Variants in SPTBN1 observed in about 807,000 individuals in gnomAD.
The protein encoded by SPTBN1 is spectrin beta chain, non-erythrocytic 1.
In SPTBN1, 32 loss-of-function variants were observed where a neutral mutation model predicts 266.4. The ratio of observed to expected loss-of-function variants is 0.12; its 90% CI spans 0.09 to 0.16. The LOEUF is 0.16. Among genes scored for constraint, SPTBN1 ranks in the 10% least tolerant of loss-of-function variants. The pLI is 1.00. For missense variants in SPTBN1, 2,296 were observed against 3,067.1 expected, an observed-to-expected ratio of 0.75 and a Z score of 5.94; for synonymous variants, 1,336 against 1,162.2, an observed-to-expected ratio of 1.15 and a Z score of -3.04.
At chr2:54,560,207 C>T (rs987864810) in intron 2 of SPTBN1, among the ~76,000 whole-genome samples, 2 of 150,224 alleles carry the variant, frequency 1.3e-5, no homozygotes, top group Middle Eastern at 3.2e-3. Context: ...CGTTCATTAT[C>T]TAGGTTTGTT....
intron 2 of SPTBN1, among the ~76,000 whole-genome samples, chr2:54,550,590 T>C (rs931041939): frequency 1.3e-5 from 2 of 152,144 alleles, no homozygotes; most frequent in African/African-American, 2.4e-5. Flanking sequence ...TAAGACCGAA[T>C]AGGAACAGAG....
intron 32 of SPTBN1, 114 bp downstream of exon 32, chr2:54,660,113 C>A: frequency 1.2e-6 from 2 of 1,603,608 alleles, no homozygotes; most frequent in Non-Finnish European, 1.7e-6. Context: ...TCAAGAATCA[C>A]CCTTTCCAAA....
chr2:54,637,112 A>G (rs1378394015), intron 17 of SPTBN1, among the ~76,000 whole-genome samples: 1 of 152,172 alleles, frequency 6.6e-6, no homozygotes. Context: ...AGTTCTTACA[A>G]GTTATTTATT....
intron 1 of SPTBN1, among the ~76,000 whole-genome samples, chr2:54,503,995 T>A (rs1371526077): frequency 6.6e-6 from 1 of 152,216 alleles, no homozygotes; most frequent in Non-Finnish European, 1.5e-5. Flanking sequence ...CAACTACTCT[T>A]CTGAGTATCC....
intron 6 of SPTBN1, 98 bp from the exon 7 acceptor site, chr2:54,617,980 T>C: frequency 1.1e-6 from 1 of 937,406 alleles, no homozygotes. Context: ...CTCCACTAAT[T>C]GGTGATTTTA....
At chr2:54,464,317 G>T (rs2103812074) in intron 1 of SPTBN1, among the ~76,000 whole-genome samples, 1 of 152,322 alleles carries the variant, frequency 6.6e-6, no homozygotes, top group South Asian at 2.1e-4. Context: ...TGGCGCAACT[G>T]TAGGGTGGAA....
rs1221756667 is a variant in SPTBN1, at chr2:54,645,742, G to C, written c.4495-186G>C. The stretch of plus-strand genomic sequence containing the variant: ...AGTTTGACCTTGAGGATGAGGTAGA[G>C]TTGGAAAGACTCTCCCTAGCCCTGT... On this transcript the variant is annotated intron_variant, in intron 21 of 35. Transcript: ENST00000356805. The surrounding 1 kb of genome is among the most constrained non-coding windows in gnomAD (Gnocchi z 4.3). Among the ~76,000 whole-genome samples the C allele has an allele frequency of 6.6e-6, 1 of 152,198 alleles. No homozygotes were observed. Among genetic ancestry groups the C allele is most frequent in the Non-Finnish European group, 1.5e-5 (1 of 68,032 alleles).
At position 54,614,717 on chromosome 2, in the gene SPTBN1, C is replaced by T. The variant is rs1459643930; in HGVS notation, c.475-1490C>T. ...ACTTGAGAAGCTGAGGCAGGAGAAT[C>T]GCTTGAATATGGGAGGCGGAGATTG... On this transcript the variant is annotated intron_variant, in intron 4 of 35. Transcript: ENST00000356805. Among the ~76,000 whole-genome samples the T allele has an allele frequency of 2.6e-5, 4 of 151,552 alleles. No individual in the cohort carries two copies. In the East Asian group the frequency reaches 7.7e-4, roughly 29 times the overall value.
At chr2:54,499,329 C>G (rs754396908) in intron 1 of SPTBN1, among the ~76,000 whole-genome samples, 2 of 152,092 alleles carry the variant, frequency 1.3e-5, no homozygotes. Flanking sequence ...ATTGAAAAGT[C>G]TGTGCTTAGA....
rs1671392311 is a variant in SPTBN1 at position 54,533,436 on chromosome 2, C to A, written c.148+6870C>A. ...TCTAGTGAACGAACAGAGCCAACCT[C>A]TTCCTGAATATGTAAAGAAATCTAT... On this transcript the variant is annotated intron_variant, in intron 2 of 35. Transcript: ENST00000356805. The surrounding 1 kb of genome is among the most constrained non-coding windows in gnomAD (Gnocchi z 4.2). Among the ~76,000 whole-genome samples, 1 of 151,510 alleles carries A rather than the reference C, an allele frequency of 6.6e-6. No individual in the cohort carries two copies. Among genetic ancestry groups the A allele is most frequent in the Non-Finnish European group, 1.5e-5 (1 of 67,916 alleles).
intron 2 of SPTBN1, among the ~76,000 whole-genome samples, chr2:54,595,458 GA>G (rs1303207461): frequency 2.6e-5 from 4 of 152,232 alleles, no homozygotes; most frequent in Non-Finnish European, 4.4e-5. Flanking sequence ...GGGAGGACTT[GA>G]TAACAGCGAT....
intron 18 of SPTBN1, among the ~76,000 whole-genome samples, chr2:54,642,444 C>A (rs539412982): frequency 1.6e-4 from 24 of 152,060 alleles, no homozygotes; most frequent in African/African-American, 5.8e-4. Context: ...TGATTGTTGC[C>A]TTAGCCCTAC....
Position 54,629,237 on chromosome 2 carries a change from C to T in SPTBN1, c.2103C>T (p.Gly701=), listed in dbSNP as rs779007415. The change falls in exon 14 of 36, where the codon GGC becomes GGT. Residue 701 remains glycine, a synonymous_variant. Coordinates refer to ENST00000356805, the MANE Select transcript of SPTBN1 (RefSeq NM_003128.3). Reference sequence around the variant, plus strand: ...ACTTTGAGCAGGCCATCAAGGAAGGCGAAGACATGATCGCGGAGGAGCACT... The same window carrying T: ...ACTTTGAGCAGGCCATCAAGGAAGGTGAAGACATGATCGCGGAGGAGCACT... ...SGHFEQAIKE[G]EDMIAEEHFG... 37 of 1,613,912 alleles carry T rather than the reference C, an allele frequency of 2.3e-5. No homozygotes were observed. The highest frequency in any genetic ancestry group is 3.0e-5 in the Non-Finnish European group (35 of 1,180,032).
intron 2 of SPTBN1, among the ~76,000 whole-genome samples, chr2:54,574,790 C>T (rs995915775): frequency 6.6e-6 from 1 of 152,184 alleles, no homozygotes; most frequent in Non-Finnish European, 1.5e-5. Context: ...GTTAGTTAAA[C>T]CACTGACTTC....
chr2:54,518,852 T>C (rs1051957492), intron 1 of SPTBN1, among the ~76,000 whole-genome samples: 4 of 152,218 alleles, frequency 2.6e-5, no homozygotes, highest in African/African-American at 9.7e-5. Context: ...GAAAATTCCA[T>C]GTATTCTCTA....
chr2:54,652,297 CA>C (rs993495852), intron 26 of SPTBN1, among the ~76,000 whole-genome samples: 1 of 151,874 alleles, frequency 6.6e-6, no homozygotes, highest in Non-Finnish European at 1.5e-5. Flanking sequence ...TACCGTTCCC[CA>C]AAAAAAAGGT....
chr2:54,633,413 G>A (rs1449134752), intron 17 of SPTBN1, among the ~76,000 whole-genome samples: 1 of 142,868 alleles, frequency 7.0e-6, no homozygotes. Context: ...ATTTACGTGT[G>A]TGTGTGTGTG....
intron 18 of SPTBN1, 24 bp downstream of exon 18, chr2:54,637,827 A>G (rs2271326): frequency 0.014 from 21,870 of 1,584,664 alleles, 397 homozygotes; most frequent in South Asian, 0.065. Flanking sequence ...TAATCCCTCT[A>G]TTCCTGTGTT....
chr2:54,607,705 T>C (rs1460239969), intron 3 of SPTBN1, among the ~76,000 whole-genome samples: 1 of 152,188 alleles, frequency 6.6e-6, no homozygotes, highest in African/African-American at 2.4e-5. Context: ...TATAAGCGAC[T>C]TGAGCATTTA....
Sources: allele counts gnomAD v4.1 joint callset (sites outside exome capture counted in the v4.1 genomes callset), GRCh38; gene constraint gnomAD v4.1.1; non-coding constraint Gnocchi (gnomAD v3.1); transcripts MANE v1.5; gene names NCBI Gene and HGNC (gene_info 2026-07-23, HGNC 2026-07-21).